Variants in SLX4IP observed in about 807,000 individuals in gnomAD.
SLX4IP encodes SLX4 interacting protein.
In SLX4IP, 34 loss-of-function variants were observed where a neutral mutation model predicts 32.9. The observed-to-expected ratio is 1.03, with a 90% CI of 0.79 to 1.38. SLX4IP has a LOEUF of 1.38. Ranked by LOEUF, SLX4IP falls within the 40% of genes most tolerant of loss-of-function variation. The pLI is 0.00. For missense variants in SLX4IP, 444 were observed against 479.0 expected (o/e 0.93, Z 0.68); for synonymous variants, 172 against 171.7 (o/e 1.00, Z -0.01).
chr20:10,561,784 GAAT>G (rs1167520417), intron 4 of SLX4IP, among the ~76,000 whole-genome samples: 3 of 152,092 alleles, frequency 2.0e-5, no homozygotes, highest in African/African-American at 4.8e-5. Context: ...ACTTCACTTA[GAAT>G]AATAGTCTCA....
intron 6 of SLX4IP, among the ~76,000 whole-genome samples, chr20:10,620,254 A>G (rs1355448306): frequency 6.6e-6 from 1 of 152,228 alleles, no homozygotes; most frequent in Non-Finnish European, 1.5e-5. Context: ...TGAGGAGTTA[A>G]CACCTTGTAT....
At chr20:10,494,603 C>T (rs1287382504) in intron 2 of SLX4IP, among the ~76,000 whole-genome samples, 1 of 151,864 alleles carries the variant, frequency 6.6e-6, no homozygotes, top group Non-Finnish European at 1.5e-5. Flanking sequence ...TAGACGTTTG[C>T]CTGCTTAGTT....
intron 2 of SLX4IP, among the ~76,000 whole-genome samples, chr20:10,511,196 A>G (rs1006420289): frequency 5.9e-5 from 9 of 152,216 alleles, no homozygotes; most frequent in African/African-American, 2.2e-4. Flanking sequence ...GCTGACACCT[A>G]TTTACTCTCT....
intron 2 of SLX4IP, among the ~76,000 whole-genome samples, chr20:10,529,350 A>T (rs1409565146): frequency 1.3e-5 from 2 of 152,112 alleles, no homozygotes; most frequent in African/African-American, 2.4e-5. Flanking sequence ...GCACTTTGGG[A>T]GGCCGAGGCG....
chr20:10,575,850 T>C (rs2066517745), intron 4 of SLX4IP, among the ~76,000 whole-genome samples: 1 of 151,908 alleles, frequency 6.6e-6, no homozygotes, highest in Non-Finnish European at 1.5e-5. Context: ...TTAACACCCA[T>C]AAGGAAGCTG....
intron 2 of SLX4IP, among the ~76,000 whole-genome samples, chr20:10,529,746 A>G (rs2065971795): frequency 6.6e-6 from 1 of 152,086 alleles, no homozygotes; most frequent in Admixed American, 6.5e-5. Flanking sequence ...AATTGCTATC[A>G]TAGAAAATGT....
At chr20:10,601,325 ATAGGTCACATTTT>A in intron 5 of SLX4IP, among the ~76,000 whole-genome samples, 1 of 152,208 alleles carries the variant, frequency 6.6e-6, no homozygotes, top group Non-Finnish European at 1.5e-5. Context: ...AAAAACATTG[ATAGGTCACATTTT>A]TAGATTTTAT....
chr20:10,494,354 T>C (rs1217528667), intron 2 of SLX4IP, among the ~76,000 whole-genome samples: 2 of 150,254 alleles, frequency 1.3e-5, no homozygotes, highest in Non-Finnish European at 3.0e-5. Flanking sequence ...ATTATTATTA[T>C]TTATATTACT....
At chr20:10,589,683 T>A (rs1167534918) in intron 4 of SLX4IP, among the ~76,000 whole-genome samples, 1 of 152,176 alleles carries the variant, frequency 6.6e-6, no homozygotes, top group East Asian at 1.9e-4. Flanking sequence ...ATACACAAAG[T>A]CAATGTTCAT....
intron 6 of SLX4IP, among the ~76,000 whole-genome samples, chr20:10,609,105 G>A (rs949658714): frequency 5.3e-5 from 8 of 152,032 alleles, no homozygotes; most frequent in East Asian, 1.9e-4. Context: ...AAGGAGCAGC[G>A]ACCACCCAGC....
chr20:10,619,678 G>T (rs2067084426), intron 6 of SLX4IP, among the ~76,000 whole-genome samples: 1 of 152,146 alleles, frequency 6.6e-6, no homozygotes, highest in Non-Finnish European at 1.5e-5. Context: ...TATGTTAATT[G>T]TTCAGCTCTG....
In SLX4IP at chr20:10,539,315, A is replaced by C. The variant is rs2066078786; in HGVS notation, c.28-16916A>C. Among the ~76,000 whole-genome samples, 5 of 152,212 alleles carry C rather than the reference A, an allele frequency of 3.3e-5. No homozygotes were observed. The South Asian group carries it at 1.0e-3, about 31-fold the overall frequency. On this transcript the variant is annotated intron_variant, in intron 2 of 7. Coordinates refer to ENST00000334534, the MANE Select transcript of SLX4IP (RefSeq NM_001009608.3). ...TACCTGCTCCTCAAATAGTTGTAGG[A>C]TTGTCATGAAAATGTATCACTTTTT...
intron 2 of SLX4IP, among the ~76,000 whole-genome samples, chr20:10,489,872 G>T (rs558899698): frequency 1.3e-5 from 2 of 152,310 alleles, no homozygotes; most frequent in East Asian, 3.9e-4. Context: ...GGTTCTTTAA[G>T]AATTACCGAG....
At chr20:10,500,130 C>CTTTTTTTT (rs34751503) in intron 2 of SLX4IP, among the ~76,000 whole-genome samples, 18 of 90,050 alleles carry the variant, frequency 2.0e-4, no homozygotes, top group Admixed American at 3.1e-4. Flanking sequence ...TGTCAAAATT[C>CTTTTTTTT]TTTTTTTTTT....
At chr20:10,453,306 C>T (rs1267803338) in intron 1 of SLX4IP, among the ~76,000 whole-genome samples, 1 of 79,506 alleles carries the variant, frequency 1.3e-5, no homozygotes, top group East Asian at 2.3e-4. Flanking sequence ...TAAAACTCAT[C>T]CGTGTGTGTG....
At chr20:10,525,482 A>G (rs1368823481) in intron 2 of SLX4IP, among the ~76,000 whole-genome samples, 2 of 152,128 alleles carry the variant, frequency 1.3e-5, no homozygotes, top group Admixed American at 6.5e-5. Flanking sequence ...TTATATTATT[A>G]TAATTATATA....
In SLX4IP at chr20:10,613,995, C is replaced by G. The variant is rs1166407318; in HGVS notation, c.406-7319C>G. The G allele has an allele frequency of 4.0e-6, 5 of 1,238,008 alleles. No individual in the cohort carries two copies. The African/African-American group carries it at 5.9e-5, about 15-fold the overall frequency. The allele number at this position is 1,238,008 out of a possible 1,614,324, so 76.7% of individuals were successfully genotyped here. A position where few individuals can be genotyped will look rare whatever the true frequency, so the allele number is the denominator to read the frequency against. On this transcript the variant is annotated intron_variant, in intron 6 of 7. Transcript: ENST00000334534. Reference sequence around the variant, plus strand: ...CGTTCCCTGCTCATCGTACACTGCTCTCTGTTCTCTGTCACCGAGAATGGA... The same window carrying G: ...CGTTCCCTGCTCATCGTACACTGCTGTCTGTTCTCTGTCACCGAGAATGGA...
chr20:10,570,869 G>T (rs1299072846), intron 4 of SLX4IP, among the ~76,000 whole-genome samples: 5 of 152,120 alleles, frequency 3.3e-5, no homozygotes, highest in African/African-American at 7.2e-5. Context: ...TTGCTCTGTT[G>T]CCCAGGCCAG....
At position 10,627,079 on chromosome 20, in the gene SLX4IP, A is replaced by G. The variant is rs1001627708; in HGVS notation, c.*3700A>G. 2 of 152,188 alleles carry G rather than the reference A, an allele frequency of 1.3e-5. No individual in the cohort carries two copies. Among genetic ancestry groups the G allele is most frequent in the African/African-American group, 4.8e-5 (2 of 41,436 alleles). 9.4% of individuals were successfully genotyped at this position (152,188 alleles called of 1,614,324 possible). ...TGGGATCACAGTGTCGTCATTCCCA[A>G]TTTCCTTGAATTCCTTCTTGGCAGA... On this transcript the variant is annotated 3_prime_UTR_variant, in exon 8 of 8. Coordinates refer to ENST00000334534, the MANE Select transcript of SLX4IP (RefSeq NM_001009608.3).
Sources: gnomAD v4.1 joint callset for allele counts (sites outside exome capture counted in the v4.1 genomes callset) on GRCh38, gnomAD v4.1.1 for gene constraint, MANE v1.5 for transcripts, NCBI Gene and HGNC (gene_info 2026-07-23, HGNC 2026-07-21) for gene names.